CPSF2: variants seen among roughly 807,000 people sequenced by gnomAD.
The protein encoded by CPSF2 is cleavage and polyadenylation specificity factor subunit 2.
CPSF2 carries 51 observed loss-of-function variants against 84.2 expected under a neutral mutation model. That is an observed-to-expected ratio of 0.61 (90% confidence interval 0.48 to 0.77). The LOEUF is 0.77. Ranked by LOEUF, CPSF2 falls within the 30% of genes least tolerant of loss-of-function variation. The pLI is 0.00. For synonymous variants in CPSF2, 286 were observed against 311.9 expected (o/e 0.92, Z 0.87); for missense variants, 641 against 929.4 (o/e 0.69, Z 4.03).
chr14:92,156,449 A>G, intron 11 of CPSF2, 30 bp from the exon 12 acceptor site: 1 of 1,592,296 alleles, frequency 6.3e-7, no homozygotes, highest in Non-Finnish European at 8.5e-7. Context: ...CTTGCTTTTT[A>G]CTGCTTCTAA....
At chr14:92,122,349 C>G (rs2068781622) in intron 1 of CPSF2, 1 of 172,570 alleles carries the variant, frequency 5.8e-6, no homozygotes, top group African/African-American at 2.4e-5. Context: ...TTTGCGGCAG[C>G]CCGTACGGTT....
At chr14:92,133,273 G>A (rs1394354489) in intron 3 of CPSF2, among the ~76,000 whole-genome samples, 1 of 151,698 alleles carries the variant, frequency 6.6e-6, no homozygotes, top group East Asian at 1.9e-4. Flanking sequence ...TACAAAATAA[G>A]CTGGGAGTGG....
rs1326988317 is a variant in CPSF2, at chr14:92,168,263, AAAAG to A, written c.*6520_*6523del. 4.0e-5 allele frequency: 6 copies of A among 151,750 alleles called. No homozygotes were observed. Among genetic ancestry groups the A allele is most frequent in the Admixed American group, 2.0e-4 (3 of 15,226 alleles). The allele number at this position is 151,750 out of a possible 1,614,324, so 9.4% of individuals were successfully genotyped here. A position where few individuals can be genotyped will look rare whatever the true frequency, so the allele number is the denominator to read the frequency against. ...ACTCTGTCTCCAAAAAAAAAAAAAA[AAAAG>A]GGCAGGGGGAGCGGCTAGAGAAGGA... On this transcript the variant is annotated 3_prime_UTR_variant, in exon 16 of 16. Coordinates refer to ENST00000298875, the MANE Select transcript of CPSF2 (RefSeq NM_017437.3).
At chr14:92,148,107 C>T (rs1205593442) in intron 9 of CPSF2, among the ~76,000 whole-genome samples, 1 of 152,116 alleles carries the variant, frequency 6.6e-6, no homozygotes, top group Non-Finnish European at 1.5e-5. Flanking sequence ...CTTGTCTCCC[C>T]TCCCCTTACC....
intron 7 of CPSF2, among the ~76,000 whole-genome samples, chr14:92,140,826 A>T (rs544827461): frequency 6.6e-6 from 1 of 151,264 alleles, no homozygotes; most frequent in Non-Finnish European, 1.5e-5. Context: ...GGGTGGGAGG[A>T]TTGCTTGAGG....
intron 7 of CPSF2, among the ~76,000 whole-genome samples, chr14:92,140,095 A>T (rs1276885031): frequency 6.6e-6 from 1 of 151,408 alleles, no homozygotes; most frequent in Non-Finnish European, 1.5e-5. Flanking sequence ...CTGGGATTAC[A>T]GGTGTGCGCC....
chr14:92,159,496 C>T (rs2069339865), intron 14 of CPSF2, among the ~76,000 whole-genome samples: 2 of 152,072 alleles, frequency 1.3e-5, no homozygotes, highest in African/African-American at 4.8e-5. Context: ...TGCTTGAGGC[C>T]AGGAGCTCTA....
rs375157970 is a variant in CPSF2, at chr14:92,156,567, A to G, written c.1531A>G (p.Met511Val). 3.4e-5 allele frequency: 55 copies of G among 1,611,550 alleles called. No homozygotes were observed. Among genetic ancestry groups the G allele is most frequent in the Non-Finnish European group, 4.2e-5 (50 of 1,178,072 alleles). ...TGGTTTGACAAATGGAGATGAACCT[A>G]TGGATCAGGATTTATCTGATGTTCC... ...ESGLTNGDEPMDQDLSDVPTK... is the reference protein window; with the variant it reads ...ESGLTNGDEPVDQDLSDVPTK... The change falls in exon 12 of 16, where the codon ATG becomes GTG. Residue 511 changes from methionine to valine, a missense_variant. Coordinates refer to ENST00000298875, the MANE Select transcript of CPSF2 (RefSeq NM_017437.3).
At position 92,134,010 on chromosome 14, in the gene CPSF2, G is replaced by C; in HGVS notation, c.150-1G>C. On this transcript the variant is annotated splice_acceptor_variant, in intron 3 of 15. Transcript: ENST00000298875. LOFTEE classifies it high-confidence loss of function. The stretch of plus-strand genomic sequence containing the variant: ...TAGTCCTTTGGATTGTGTTCTTGTA[G>C]GCATGTTCACCAGATTGATGCAGTG... The C allele has an allele frequency of 1.2e-6, 2 of 1,613,828 alleles. No individual in the cohort carries two copies. Among genetic ancestry groups the C allele is most frequent in the Non-Finnish European group, 1.7e-6 (2 of 1,179,920 alleles).
At chr14:92,155,936 C>T (rs1218077817) in intron 11 of CPSF2, among the ~76,000 whole-genome samples, 2 of 151,980 alleles carry the variant, frequency 1.3e-5, no homozygotes, top group Non-Finnish European at 2.9e-5. Context: ...CAACTGCAAT[C>T]ACATGTTGTA....
chr14:92,143,680 C>T lies in CPSF2; in HGVS notation c.1140+386C>T, dbSNP rs377108189. 1.2e-4 allele frequency among the ~76,000 whole-genome samples: 18 copies of T among 152,258 alleles called. No homozygotes were observed. In the East Asian group the frequency reaches 2.5e-3, roughly 21 times the overall value. Reference sequence around the variant, plus strand: ...GAGTGCAGTGGTGCTATCATAGTTCCGTGCAGCCTCAAACTCCTGGGCTTA... The same window carrying T: ...GAGTGCAGTGGTGCTATCATAGTTCTGTGCAGCCTCAAACTCCTGGGCTTA... On this transcript the variant is annotated intron_variant, in intron 9 of 15. Transcript: ENST00000298875.
chr14:92,169,648 GATT>G lies in CPSF2; in HGVS notation c.*7905_*7907del, dbSNP rs2069494106. On this transcript the variant is annotated 3_prime_UTR_variant, in exon 16 of 16. Coordinates refer to ENST00000298875, the MANE Select transcript of CPSF2 (RefSeq NM_017437.3). ...AATTCTTAAGGTTTTTCTTATATGT[GATT>G]TTTTTTTTTTTTTTTTTTTTGAGAC... The G allele has an allele frequency of 8.3e-6, 1 of 120,968 alleles. No homozygotes were observed. 7.5% of individuals were successfully genotyped at this position (120,968 alleles called of 1,614,324 possible).
In CPSF2 at chr14:92,166,622, G is replaced by A. The variant is rs1425928111; in HGVS notation, c.*4878G>A. On this transcript the variant is annotated 3_prime_UTR_variant, in exon 16 of 16. Transcript: ENST00000298875. ...CCACTTTGGCTGCCCAAAGTGCTGG[G>A]ATTACAGGCATGAGTCACCATTCCT... is the stretch of plus-strand genomic sequence containing the variant. 1 of 152,146 alleles carries A rather than the reference G, an allele frequency of 6.6e-6. No individual in the cohort carries two copies. The highest frequency in any genetic ancestry group is 1.5e-5 in the Non-Finnish European group (1 of 68,030). The allele number at this position is 152,146 out of a possible 1,614,324, so 9.4% of individuals were successfully genotyped here. A position where few individuals can be genotyped will look rare whatever the true frequency, so the allele number is the denominator to read the frequency against.
chr14:92,122,868 T>A lies in CPSF2; in HGVS notation c.-94+740T>A, dbSNP rs74074419. Among the ~76,000 whole-genome samples, 554 of 151,166 alleles carry A rather than the reference T, an allele frequency of 3.7e-3. 7 individuals are homozygous for A. Among genetic ancestry groups the A allele is most frequent in the African/African-American group, 0.013 (528 of 41,144 alleles). On this transcript the variant is annotated intron_variant, in intron 1 of 15. Transcript: ENST00000298875. ...TTTTTTCTTTCTTTTTTTTTTTTTT[T>A]AATAAAGACGGGGTTTCACTATGTT... is the stretch of plus-strand genomic sequence containing the variant.
In CPSF2 at chr14:92,122,529, G is replaced by A. The variant is rs970696610; in HGVS notation, c.-94+401G>A. Among the ~76,000 whole-genome samples the A allele has an allele frequency of 3.3e-5, 5 of 152,326 alleles. 1 individual carries two copies. The East Asian group carries it at 5.8e-4, about 18-fold the overall frequency. ...CCGTCGTTTTGGGTTGAGAGACCAC[G>A]AGGTTGCTAAGCTCTGGACACCGCT... On this transcript the variant is annotated intron_variant, in intron 1 of 15. Coordinates refer to ENST00000298875, the MANE Select transcript of CPSF2 (RefSeq NM_017437.3).
At chr14:92,145,949 C>T (rs769179024) in intron 9 of CPSF2, among the ~76,000 whole-genome samples, 10 of 152,202 alleles carry the variant, frequency 6.6e-5, no homozygotes, top group Non-Finnish European at 1.0e-4. Flanking sequence ...TTTCCCTCTA[C>T]TTGATCACAT....
Position 92,157,586 on chromosome 14 carries a change from G to A in CPSF2, c.1596-73G>A. 1.1e-6 allele frequency: 1 copy of A among 893,178 alleles called. No individual in the cohort carries two copies. Among genetic ancestry groups the A allele is most frequent in the Non-Finnish European group, 1.8e-6 (1 of 561,664 alleles). The allele number at this position is 893,178 out of a possible 1,614,324, so 55.3% of individuals were successfully genotyped here. ...TTCTCAAATCCTAGTGTTATATATT[G>A]TATACATGATAAAAGCCATTTTTTT... On this transcript the variant is annotated intron_variant, in intron 12 of 15. Transcript: ENST00000298875. The surrounding 1 kb of genome is among the most constrained non-coding windows in gnomAD (Gnocchi z 4.0).
Position 92,161,841 on chromosome 14 carries a change from AAAG to A in CPSF2, c.*100_*102del. 1.4e-6 allele frequency: 1 copy of A among 694,772 alleles called. No individual in the cohort carries two copies. Among genetic ancestry groups the A allele is most frequent in the Non-Finnish European group, 2.3e-6 (1 of 427,404 alleles). The allele number at this position is 694,772 out of a possible 1,614,324, so 43.0% of individuals were successfully genotyped here. A position where few individuals can be genotyped will look rare whatever the true frequency, so the allele number is the denominator to read the frequency against. On this transcript the variant is annotated 3_prime_UTR_variant, in exon 16 of 16. Coordinates refer to ENST00000298875, the MANE Select transcript of CPSF2 (RefSeq NM_017437.3). ...TGATGTTTTGTTTTGTAACATACAA[AAAG>A]AATCTGCCAGAAAAACTTACATGTA...
intron 7 of CPSF2, among the ~76,000 whole-genome samples, chr14:92,138,897 T>TG (rs34834067): frequency 0.099 from 15,030 of 152,230 alleles, 825 homozygotes; most frequent in East Asian, 0.15. Flanking sequence ...GCACTTTTCT[T>TG]GGTCATAAGA....
Sources: allele counts gnomAD v4.1 joint callset (sites outside exome capture counted in the v4.1 genomes callset), GRCh38; gene constraint gnomAD v4.1.1; non-coding constraint Gnocchi (gnomAD v3.1); transcripts MANE v1.5; gene names NCBI Gene and HGNC (gene_info 2026-07-23, HGNC 2026-07-21).